The following TFCP2 variants were observed in gnomAD, a reference collection of about 807,000 sequenced individuals.
TFCP2 encodes the protein transcription factor CP2, also known as alpha-globin transcription factor CP2.
A neutral mutation model predicts 73.4 loss-of-function variants in TFCP2; 33 were observed. That is an observed-to-expected ratio of 0.45 (90% CI 0.34 to 0.60). The LOEUF (loss-of-function observed/expected upper bound fraction) is 0.60. Ranked by LOEUF, TFCP2 falls within the 20% of genes least tolerant of loss-of-function variation. The pLI, the probability that TFCP2 is intolerant of heterozygous loss-of-function variation, is 0.01. For synonymous variants in TFCP2, 193 were observed against 211.6 expected, an observed-to-expected ratio of 0.91 and a Z score of 0.76; for missense variants, 352 against 604.0, an observed-to-expected ratio of 0.58 and a Z score of 4.37.
At chr12:51,157,317 C>T (rs569507402) in intron 1 of TFCP2, among the ~76,000 whole-genome samples, 2 of 152,112 alleles carry the variant, frequency 1.3e-5, no homozygotes, top group South Asian at 4.2e-4. Context: ...ACACTGTGCC[C>T]GGCCCATGAT....
At chr12:51,104,574 T>C (rs1940184265) in intron 8 of TFCP2, among the ~76,000 whole-genome samples, 1 of 151,628 alleles carries the variant, frequency 6.6e-6, no homozygotes, top group South Asian at 2.1e-4. Context: ...AAAAATAAAA[T>C]GAAAAATATC....
At chr12:51,128,115 C>T (rs1940852871) in intron 1 of TFCP2, among the ~76,000 whole-genome samples, 1 of 151,902 alleles carries the variant, frequency 6.6e-6, no homozygotes, top group Admixed American at 6.6e-5. Flanking sequence ...GATGGGGTTT[C>T]ACCATGTTGG....
At chr12:51,115,436 A>T (rs1042643335) in intron 4 of TFCP2, among the ~76,000 whole-genome samples, 1 of 152,118 alleles carries the variant, frequency 6.6e-6, no homozygotes, top group Non-Finnish European at 1.5e-5. Context: ...GGAACCTTTG[A>T]GTACCGCTGG....
intron 1 of TFCP2, among the ~76,000 whole-genome samples, chr12:51,131,122 G>T (rs2137002580): frequency 6.6e-6 from 1 of 151,614 alleles, no homozygotes; most frequent in Non-Finnish European, 1.5e-5. Context: ...GGGGTCAGGA[G>T]ATCGAGACCA....
intron 7 of TFCP2, 68 bp downstream of exon 7, chr12:51,107,168 T>C (rs1940267959): frequency 2.3e-6 from 3 of 1,291,718 alleles, no homozygotes; most frequent in Non-Finnish European, 3.3e-6. Flanking sequence ...TCTGACCAGT[T>C]TGGAAGTGAT....
Position 51,159,016 on chromosome 12 carries a change from A to C in TFCP2, c.122+13285T>G, listed in dbSNP as rs1459668585. 1.7e-4 allele frequency among the ~76,000 whole-genome samples: 25 copies of C among 147,762 alleles called. 1 individual carries two copies. Among genetic ancestry groups the C allele is most frequent in the African/African-American group, 4.9e-4 (20 of 40,462 alleles). ...CTCTCTACTAAAAATCCAAAAAAAA[A>C]AAAAAAAAAAAAATTAGCCAGGCGT... On this transcript the variant is annotated intron_variant, in intron 1 of 14. Coordinates refer to ENST00000257915, the MANE Select transcript of TFCP2 (RefSeq NM_005653.5).
chr12:51,165,051 GAA>G (rs1941725633), intron 1 of TFCP2, among the ~76,000 whole-genome samples: 1 of 152,052 alleles, frequency 6.6e-6, no homozygotes, highest in African/African-American at 2.4e-5. Flanking sequence ...ACCAAAGCCA[GAA>G]AAAGATACGA....
At chr12:51,132,357 C>CTGTTTTTTTTTT (rs1940962799) in intron 1 of TFCP2, among the ~76,000 whole-genome samples, 1 of 61,766 alleles carries the variant, frequency 1.6e-5, no homozygotes, top group Admixed American at 2.7e-4. Flanking sequence ...AGGGATTAGT[C>CTGTTTTTTTTTT]TTTTTTTTTT....
chr12:51,110,399 C>T (rs533729283), intron 5 of TFCP2, among the ~76,000 whole-genome samples: 10 of 152,130 alleles, frequency 6.6e-5, no homozygotes, highest in Admixed American at 1.3e-4. Context: ...CGAAATCCCA[C>T]CTCTACCAAA....
At chr12:51,105,566 A>T (rs898983844) in intron 8 of TFCP2, among the ~76,000 whole-genome samples, 1 of 152,198 alleles carries the variant, frequency 6.6e-6, no homozygotes, top group Non-Finnish European at 1.5e-5. Context: ...AGAATGTATC[A>T]TCTATGTGGA....
intron 1 of TFCP2, among the ~76,000 whole-genome samples, chr12:51,149,024 C>CAAAAAAAAAAACA (rs773561842): frequency 2.6e-5 from 1 of 38,016 alleles, no homozygotes; most frequent in Non-Finnish European, 4.9e-5. Context: ...GACTCCATCT[C>CAAAAAAAAAAACA]AAAAAAAAAA....
At chr12:51,166,885 GA>G (rs1941768403) in intron 1 of TFCP2, among the ~76,000 whole-genome samples, 1 of 152,144 alleles carries the variant, frequency 6.6e-6, no homozygotes, top group African/African-American at 2.4e-5. Flanking sequence ...TGGGCAGGAC[GA>G]ACCTAGTTTG....
At chr12:51,153,760 T>C (rs1466655955) in intron 1 of TFCP2, among the ~76,000 whole-genome samples, 1 of 152,218 alleles carries the variant, frequency 6.6e-6, no homozygotes, top group Non-Finnish European at 1.5e-5. Context: ...TAATATTCCA[T>C]CATATGTATA....
rs1455900426 is a variant in TFCP2, at chr12:51,093,684, GT to G, written c.*1556del. The G allele has an allele frequency of 6.6e-6, 1 of 152,074 alleles. No individual in the cohort carries two copies. The highest frequency in any genetic ancestry group is 1.9e-4 in the East Asian group (1 of 5,194). 9.4% of individuals were successfully genotyped at this position (152,074 alleles called of 1,614,324 possible). ...TGGTGTAATATAACAAGTTGCTCAG[GT>G]CAGTTTTAAACAAGTCATTGACTTA... On this transcript the variant is annotated 3_prime_UTR_variant, in exon 15 of 15. Coordinates refer to ENST00000257915, the MANE Select transcript of TFCP2 (RefSeq NM_005653.5).
chr12:51,153,910 G>A (rs1941482338), intron 1 of TFCP2, among the ~76,000 whole-genome samples: 1 of 152,154 alleles, frequency 6.6e-6, no homozygotes, highest in Non-Finnish European at 1.5e-5. Context: ...TGAAACAGTT[G>A]TATCATAATT....
intron 13 of TFCP2, 105 bp downstream of exon 13, chr12:51,098,671 C>G: frequency 7.5e-7 from 1 of 1,330,612 alleles, no homozygotes; most frequent in Admixed American, 2.3e-5. Context: ...GTATGAAACC[C>G]TCTGATCTAG....
At chr12:51,104,008 A>G (rs1940172847) in intron 9 of TFCP2, 147 bp downstream of exon 9, 4 of 860,378 alleles carry the variant, frequency 4.6e-6, no homozygotes, top group Non-Finnish European at 5.8e-6. Context: ...CTAGCACAGT[A>G]TCTGGTTCAT....
intron 1 of TFCP2, among the ~76,000 whole-genome samples, chr12:51,147,572 G>T (rs1941326164): frequency 6.6e-6 from 1 of 151,950 alleles, no homozygotes; most frequent in Admixed American, 6.6e-5. Flanking sequence ...GGGAAGGCTG[G>T]GATAACTGGC....
At chr12:51,137,775 A>G (rs1217135498) in intron 1 of TFCP2, among the ~76,000 whole-genome samples, 1 of 152,240 alleles carries the variant, frequency 6.6e-6, no homozygotes, top group African/African-American at 2.4e-5. Context: ...GATCAAATGT[A>G]TATCATCATA....
Sources: allele counts gnomAD v4.1 joint callset (sites outside exome capture counted in the v4.1 genomes callset), GRCh38; gene constraint gnomAD v4.1.1; transcripts MANE v1.5; gene names NCBI Gene and HGNC (gene_info 2026-07-23, HGNC 2026-07-21).